The following SLC35F1 variants were observed in gnomAD, a reference collection of about 807,000 sequenced individuals.
SLC35F1 encodes the protein chromosome 6 open reading frame 169.
In SLC35F1, 14 loss-of-function variants were observed where a neutral mutation model predicts 48.7. The observed-to-expected ratio is 0.29, with a 90% CI of 0.19 to 0.45. The LOEUF (loss-of-function observed/expected upper bound fraction) is 0.45. SLC35F1 is among the 20% of genes least tolerant of loss of function. The probability of loss-of-function intolerance (pLI) is 1.00; values close to 1 mark genes in which losing one functional copy is unlikely to be tolerated. For synonymous variants in SLC35F1, 190 were observed against 202.2 expected, an observed-to-expected ratio of 0.94 and a Z score of 0.51; for missense variants, 404 against 500.0, an observed-to-expected ratio of 0.81 and a Z score of 1.83.
intron 2 of SLC35F1, among the ~76,000 whole-genome samples, chr6:118,228,100 C>A (rs966936395): frequency 2.0e-5 from 3 of 151,990 alleles, no homozygotes; most frequent in African/African-American, 7.2e-5. Flanking sequence ...AAAGGGCTGC[C>A]TTTTATACTT....
chr6:118,134,460 G>A (rs528526449), intron 1 of SLC35F1, among the ~76,000 whole-genome samples: 6 of 152,312 alleles, frequency 3.9e-5, no homozygotes, highest in African/African-American at 1.4e-4. Context: ...GGAGAAATAT[G>A]CTAGTCCACA....
At chr6:117,935,171 A>G (rs1035512916) in intron 1 of SLC35F1, among the ~76,000 whole-genome samples, 2 of 152,228 alleles carry the variant, frequency 1.3e-5, no homozygotes, top group Non-Finnish European at 2.9e-5. Context: ...CACAAATTCT[A>G]CACCAAGAAA....
chr6:118,066,566 A>T (rs934441890), intron 1 of SLC35F1, among the ~76,000 whole-genome samples: 44 of 152,146 alleles, frequency 2.9e-4, no homozygotes, highest in Non-Finnish European at 7.4e-5. Context: ...TGAGTAGAGA[A>T]TCCAGATAAA....
intron 2 of SLC35F1, among the ~76,000 whole-genome samples, chr6:118,209,635 G>C (rs1235518662): frequency 6.6e-6 from 1 of 151,920 alleles, no homozygotes; most frequent in East Asian, 1.9e-4. Context: ...TTATAGAATA[G>C]TATTTCATTT....
At chr6:118,180,863 G>A (rs900954367) in intron 2 of SLC35F1, among the ~76,000 whole-genome samples, 4 of 151,926 alleles carry the variant, frequency 2.6e-5, no homozygotes, top group African/African-American at 9.7e-5. Flanking sequence ...ACCAAGCAAG[G>A]TATTCACTGC....
intron 2 of SLC35F1, among the ~76,000 whole-genome samples, chr6:118,220,016 C>T (rs995318741): frequency 2.6e-5 from 4 of 151,256 alleles, no homozygotes; most frequent in Non-Finnish European, 1.5e-5. Flanking sequence ...TGGGGCCTGT[C>T]GTGGGGTTGG....
chr6:118,220,275 C>A (rs1043722163), intron 2 of SLC35F1, among the ~76,000 whole-genome samples: 1 of 152,062 alleles, frequency 6.6e-6, no homozygotes, highest in Admixed American at 6.6e-5. Context: ...ACTGTGTGAA[C>A]TCAGAGGAAA....
At chr6:118,313,951 A>G (rs550967868) in intron 7 of SLC35F1, 77 bp from the exon 8 acceptor site, 36 of 1,334,054 alleles carry the variant, frequency 2.7e-5, no homozygotes, top group Non-Finnish European at 3.5e-5. Flanking sequence ...AGCTCTGCTC[A>G]TGTTTCTGTG....
intron 1 of SLC35F1, among the ~76,000 whole-genome samples, chr6:118,117,428 A>T (rs1309947539): frequency 1.3e-5 from 2 of 152,202 alleles, no homozygotes; most frequent in Non-Finnish European, 2.9e-5. Context: ...TTCTGAAAAC[A>T]TAAATAGAAG....
chr6:118,131,683 A>G (rs1773714248), intron 1 of SLC35F1, among the ~76,000 whole-genome samples: 1 of 151,992 alleles, frequency 6.6e-6, no homozygotes, highest in Admixed American at 6.6e-5. Flanking sequence ...TTCTACTTTC[A>G]TGAGTATAAT....
At chr6:118,049,997 A>G (rs1489272887) in intron 1 of SLC35F1, among the ~76,000 whole-genome samples, 1 of 152,180 alleles carries the variant, frequency 6.6e-6, no homozygotes, top group Non-Finnish European at 1.5e-5. Flanking sequence ...TGGATTAAGA[A>G]AATGTGGCAC....
At chr6:118,238,540 T>C (rs1775396497) in intron 3 of SLC35F1, among the ~76,000 whole-genome samples, 1 of 152,076 alleles carries the variant, frequency 6.6e-6, no homozygotes, top group Non-Finnish European at 1.5e-5. Context: ...CTTAATAATG[T>C]CATCAGGGAC....
chr6:117,971,986 G>A (rs1163337438), intron 1 of SLC35F1, among the ~76,000 whole-genome samples: 1 of 152,222 alleles, frequency 6.6e-6, no homozygotes, highest in Non-Finnish European at 1.5e-5. Context: ...AATTTCTCCA[G>A]CTGGCTTGAA....
chr6:118,250,552 CA>C (rs1775559964), intron 3 of SLC35F1, among the ~76,000 whole-genome samples: 1 of 152,184 alleles, frequency 6.6e-6, no homozygotes, highest in African/African-American at 2.4e-5. Flanking sequence ...GGGAGCCCCT[CA>C]GGGGGCACCT....
chr6:118,094,812 A>G (rs1215773112), intron 1 of SLC35F1, among the ~76,000 whole-genome samples: 1 of 152,062 alleles, frequency 6.6e-6, no homozygotes, highest in Non-Finnish European at 1.5e-5. Context: ...TACTAAAAAT[A>G]CAAAATTTAG....
intron 1 of SLC35F1, among the ~76,000 whole-genome samples, chr6:118,120,419 C>T (rs145324323): frequency 6.6e-6 from 1 of 152,140 alleles, no homozygotes; most frequent in Non-Finnish European, 1.5e-5. Context: ...TTGATGCATG[C>T]ATACAGATGC....
chr6:118,006,261 G>A (rs1777173321), intron 1 of SLC35F1, among the ~76,000 whole-genome samples: 1 of 152,060 alleles, frequency 6.6e-6, no homozygotes, highest in African/African-American at 2.4e-5. Flanking sequence ...TACTACAAAT[G>A]TCTGAAAAAA....
intron 1 of SLC35F1, among the ~76,000 whole-genome samples, chr6:118,040,973 CA>C (rs1178156511): frequency 2.0e-5 from 3 of 151,696 alleles, no homozygotes; most frequent in African/African-American, 7.3e-5. Context: ...TATTTTGGTC[CA>C]GGGGCATAAA....
chr6:118,069,818 C>G (rs896613603), intron 1 of SLC35F1, among the ~76,000 whole-genome samples: 1 of 152,170 alleles, frequency 6.6e-6, no homozygotes, highest in Non-Finnish European at 1.5e-5. Context: ...CAGCTACTTA[C>G]CCAAAATGAG....
Sources: gnomAD v4.1 joint callset for allele counts (sites outside exome capture counted in the v4.1 genomes callset) on GRCh38, gnomAD v4.1.1 for gene constraint, MANE v1.5 for transcripts, NCBI Gene and HGNC (gene_info 2026-07-23, HGNC 2026-07-21) for gene names.